TRPC4: variants seen among roughly 807,000 people sequenced by gnomAD.
The protein encoded by TRPC4 is short transient receptor potential channel 4.
Under a neutral mutation model 99.4 loss-of-function variants are expected in TRPC4, and 49 were observed. That is an observed-to-expected ratio of 0.49 (90% CI 0.39 to 0.63). The LOEUF (loss-of-function observed/expected upper bound fraction) is 0.63, where lower values mean the gene tolerates loss of function less well. TRPC4 is among the 20% of genes least tolerant of loss of function. The pLI is 0.00. For synonymous variants in TRPC4, 454 were observed against 425.9 expected, an observed-to-expected ratio of 1.07 and a Z score of -0.81; for missense variants, 898 against 1,152.9, an observed-to-expected ratio of 0.78 and a Z score of 3.20.
chr13:37,674,240 A>G lies in TRPC4; in HGVS notation c.1362T>C (p.Val454=). Residue 454 remains valine, a synonymous_variant, in exon 5 of 11, where the codon GTT becomes GTC. Transcript: ENST00000379705. ...LYLATISLKI[V]AFVKYSALNP... ...AAATAATAGTTACCTTTACAAATGC[A>G]ACAATTTTCAAGGAGATTGTTGCTA... The G allele has an allele frequency of 6.3e-7, 1 of 1,586,616 alleles. No individual in the cohort carries two copies. Among genetic ancestry groups the G allele is most frequent in the Non-Finnish European group, 8.6e-7 (1 of 1,169,034 alleles).
intron 2 of TRPC4, among the ~76,000 whole-genome samples, chr13:37,749,372 G>A (rs899752528): frequency 4.6e-5 from 7 of 151,834 alleles, no homozygotes; most frequent in African/African-American, 1.2e-4. Context: ...AAATGTATTC[G>A]AAATTTAACA....
intron 3 of TRPC4, among the ~76,000 whole-genome samples, chr13:37,724,597 C>T (rs371064676): frequency 7.4e-5 from 10 of 135,012 alleles, no homozygotes; most frequent in East Asian, 3.3e-4. Flanking sequence ...ACTATATAAG[C>T]GGTTTTTTTT....
At chr13:37,853,901 T>TA (rs1383508210) in intron 1 of TRPC4, among the ~76,000 whole-genome samples, 1 of 151,422 alleles carries the variant, frequency 6.6e-6, no homozygotes, top group Non-Finnish European at 1.5e-5. Flanking sequence ...GAAAAAATAA[T>TA]AAAAAAATGA....
chr13:37,696,547 C>A (rs1423806059), intron 3 of TRPC4, among the ~76,000 whole-genome samples: 1 of 152,186 alleles, frequency 6.6e-6, no homozygotes, highest in Non-Finnish European at 1.5e-5. Context: ...AATCCAAATT[C>A]TAGGAACAAC....
rs147851747 is a variant in TRPC4 at position 37,692,694 on chromosome 13, A to AT, written c.898-360dup. On this transcript the variant is annotated intron_variant, in intron 3 of 10. Coordinates refer to ENST00000379705, the MANE Select transcript of TRPC4 (RefSeq NM_016179.4). ...CCTATATACACATATATAAGAATAT[A>AT]TAAGTGTGGCTCTTTTTTGATATAG... 5.0e-3 allele frequency among the ~76,000 whole-genome samples: 763 copies of AT among 152,336 alleles called. 2 individuals carry two copies. Among genetic ancestry groups the AT allele is most frequent in the Non-Finnish European group, 7.4e-3 (503 of 68,028 alleles).
chr13:37,698,582 T>C (rs529845958), intron 3 of TRPC4, among the ~76,000 whole-genome samples: 1 of 152,294 alleles, frequency 6.6e-6, no homozygotes, highest in African/African-American at 2.4e-5. Flanking sequence ...CAAGCAAATT[T>C]AGCTCAGTAA....
chr13:37,806,673 A>G (rs1490645591), intron 1 of TRPC4, among the ~76,000 whole-genome samples: 1 of 152,088 alleles, frequency 6.6e-6, no homozygotes, highest in African/African-American at 2.4e-5. Context: ...GGGGCATGAA[A>G]GATTTTGTGC....
intron 1 of TRPC4, among the ~76,000 whole-genome samples, chr13:37,865,041 A>G (rs1593345253): frequency 6.6e-6 from 1 of 151,918 alleles, no homozygotes; most frequent in Middle Eastern, 3.4e-3. Context: ...ATATATTCAA[A>G]GAAAGTATTC....
At position 37,655,365 on chromosome 13, in the gene TRPC4, T is replaced by TTATATATA. The variant is rs61181512; in HGVS notation, c.1689-90_1689-83dup. 1.7e-3 allele frequency: 636 copies of TTATATATA among 370,890 alleles called. 2 individuals carry two copies. Among genetic ancestry groups the TTATATATA allele is most frequent in the African/African-American group, 9.6e-3 (369 of 38,510 alleles). The allele number at this position is 370,890 out of a possible 1,614,324, so 23.0% of individuals were successfully genotyped here. On this transcript the variant is annotated intron_variant, in intron 6 of 10. Transcript: ENST00000379705. ...GATAAAACAATAAAGCTTGGCATGA[T>TTATATATA]TATATATATATATATATATAATTAA...
chr13:37,670,232 G>A (rs1333056456), intron 5 of TRPC4, among the ~76,000 whole-genome samples: 1 of 152,200 alleles, frequency 6.6e-6, no homozygotes, highest in Admixed American at 6.5e-5. Context: ...ATTGTGACAA[G>A]CCGAGGTGAC....
chr13:37,736,717 A>T (rs1159717474), intron 3 of TRPC4, among the ~76,000 whole-genome samples: 2 of 151,894 alleles, frequency 1.3e-5, no homozygotes, highest in Non-Finnish European at 2.9e-5. Flanking sequence ...AATAGACTTA[A>T]GAAAAACAAA....
At chr13:37,868,645 T>TA (rs60455129) in intron 1 of TRPC4, among the ~76,000 whole-genome samples, 3 of 151,786 alleles carry the variant, frequency 2.0e-5, no homozygotes, top group Non-Finnish European at 2.9e-5. Context: ...TTTTTTTTTT[T>TA]AATAAAACAA....
At chr13:37,858,259 A>G (rs1566229563) in intron 1 of TRPC4, among the ~76,000 whole-genome samples, 2 of 151,644 alleles carry the variant, frequency 1.3e-5, no homozygotes, top group Non-Finnish European at 3.0e-5. Context: ...CAAAAGGCAG[A>G]CAATAACAAA....
chr13:37,798,034 T>A (rs913361255), intron 1 of TRPC4, among the ~76,000 whole-genome samples: 5 of 152,314 alleles, frequency 3.3e-5, no homozygotes, highest in African/African-American at 1.2e-4. Flanking sequence ...GCAGACACGT[T>A]AGCATTTTTC....
intron 2 of TRPC4, among the ~76,000 whole-genome samples, chr13:37,760,699 T>C (rs1421568159): frequency 1.3e-5 from 2 of 151,950 alleles, no homozygotes; most frequent in Non-Finnish European, 2.9e-5. Flanking sequence ...TCCTAAAACA[T>C]TATGAGATTT....
rs1006219725 is a variant in TRPC4, at chr13:37,634,207, C to A, written c.*2696G>T. 1.3e-5 allele frequency among the ~76,000 whole-genome samples: 2 copies of A among 151,992 alleles called. No individual in the cohort carries two copies. The highest frequency in any genetic ancestry group is 4.8e-5 in the African/African-American group (2 of 41,404). The stretch of plus-strand genomic sequence containing the variant: ...ATAGAAATATGAATAGAAACGAACA[C>A]CCTGAAGTACGCACTTACAAACCTC... On this transcript the variant is annotated 3_prime_UTR_variant, in exon 11 of 11. Transcript: ENST00000379705.
intron 2 of TRPC4, among the ~76,000 whole-genome samples, chr13:37,777,754 C>T (rs569232106): frequency 6.6e-6 from 1 of 152,090 alleles, no homozygotes; most frequent in East Asian, 1.9e-4. Context: ...CTTATAAAAA[C>T]ACTTTTACAG....
chr13:37,868,486 C>A (rs1959923227), intron 1 of TRPC4, among the ~76,000 whole-genome samples: 1 of 151,966 alleles, frequency 6.6e-6, no homozygotes, highest in South Asian at 2.1e-4. Flanking sequence ...ACACCCCAAA[C>A]CAAAAAACCC....
intron 3 of TRPC4, among the ~76,000 whole-genome samples, chr13:37,728,701 C>T (rs766719744): frequency 9.2e-5 from 14 of 151,990 alleles, no homozygotes; most frequent in Non-Finnish European, 1.9e-4. Flanking sequence ...CATATGGAAT[C>T]TCAAGGGACC....
Sources: gnomAD v4.1 joint callset for allele counts (sites outside exome capture counted in the v4.1 genomes callset) on GRCh38, gnomAD v4.1.1 for gene constraint, MANE v1.5 for transcripts, NCBI Gene and HGNC (gene_info 2026-07-23, HGNC 2026-07-21) for gene names.